The following BPIFB4 variants were observed in gnomAD, a reference collection of about 807,000 sequenced individuals.
BPIFB4 encodes BPI fold containing family B member 4, also known as BPI fold-containing family B member 4.
In BPIFB4, 62 loss-of-function variants were observed where a neutral mutation model predicts 69.2. The ratio of observed to expected loss-of-function variants is 0.90; its 90% CI spans 0.73 to 1.11. The LOEUF is 1.11. BPIFB4 is among the 50% of genes least tolerant of loss of function. The pLI, the probability that BPIFB4 is intolerant of heterozygous loss-of-function variation, is 0.00. For missense variants in BPIFB4, 789 were observed against 792.0 expected, an observed-to-expected ratio of 1.00 and a Z score of 0.04; for synonymous variants, 330 against 332.7, an observed-to-expected ratio of 0.99 and a Z score of 0.09.
At chr20:33,109,177 C>T (rs1982163125) in intron 17 of BPIFB4, among the ~76,000 whole-genome samples, 1 of 152,134 alleles carries the variant, frequency 6.6e-6, no homozygotes, top group Admixed American at 6.5e-5. Context: ...TAATGGCCAC[C>T]TCATACAGTT....
intron 17 of BPIFB4, among the ~76,000 whole-genome samples, chr20:33,109,855 C>T (rs949952347): frequency 1.3e-5 from 2 of 152,024 alleles, no homozygotes; most frequent in Non-Finnish European, 2.9e-5. Context: ...AACCTCAGTC[C>T]CAGGCTTGAC....
chr20:33,098,211 A>G (rs1273173091), intron 13 of BPIFB4, among the ~76,000 whole-genome samples: 1 of 152,174 alleles, frequency 6.6e-6, no homozygotes, highest in Non-Finnish European at 1.5e-5. Context: ...AAAGGCTGCC[A>G]AAGTGTTAGC....
rs1366910953 is a variant in BPIFB4, at chr20:33,111,483, A to G, written c.*46A>G. 6.2e-7 allele frequency: 1 copy of G among 1,611,968 alleles called. No homozygotes were observed. The highest frequency in any genetic ancestry group is 8.5e-7 in the Non-Finnish European group (1 of 1,178,236). On this transcript the variant is annotated 3_prime_UTR_variant, in exon 18 of 18. Coordinates refer to ENST00000375483, the MANE Select transcript of BPIFB4 (RefSeq NM_182519.3). ...GCTGCAACTGGAAGAAGCTGGAACC[A>G]GTCCCAGAGAGGCTCGGCCTGGAAA...
chr20:33,081,374 T>C (rs1358776060), intron 2 of BPIFB4, 138 bp from the exon 3 acceptor site: 6 of 1,413,432 alleles, frequency 4.2e-6, no homozygotes, highest in Non-Finnish European at 4.6e-6. Flanking sequence ...CCTGCCTTAG[T>C]ATGTGACCTT....
At chr20:33,094,008 G>A (rs765974580) in intron 11 of BPIFB4, among the ~76,000 whole-genome samples, 3 of 152,034 alleles carry the variant, frequency 2.0e-5, no homozygotes, top group East Asian at 1.9e-4. Context: ...TTGAGCTTTC[G>A]CAGACATCAT....
Position 33,097,649 on chromosome 20 carries a change from T to C in BPIFB4, c.1431T>C (p.Leu477=). The C allele has an allele frequency of 6.2e-7, 1 of 1,614,116 alleles. No individual in the cohort carries two copies. The highest frequency in any genetic ancestry group is 8.5e-7 in the Non-Finnish European group (1 of 1,179,948). Reference sequence around the variant, plus strand: ...AGCAGTACCCCGAGTCCTGCCCACTTATCATCAGGATCCAGGTGCTGAACC... The same window carrying C: ...AGCAGTACCCCGAGTCCTGCCCACTCATCATCAGGATCCAGGTGCTGAACC... ...VFQQYPESCP[L]IIRIQVLNPP... The change falls in exon 13 of 18, where the codon CTT becomes CTC. Residue 477 remains leucine, a synonymous_variant. Transcript: ENST00000375483.
At chr20:33,087,885 A>G (rs1981481481) in intron 7 of BPIFB4, among the ~76,000 whole-genome samples, 2 of 152,200 alleles carry the variant, frequency 1.3e-5, no homozygotes, top group South Asian at 4.2e-4. Flanking sequence ...GCTTTGGGAG[A>G]AATGTTCTAA....
intron 11 of BPIFB4, among the ~76,000 whole-genome samples, chr20:33,094,439 C>T (rs1981698805): frequency 6.6e-6 from 1 of 152,020 alleles, no homozygotes; most frequent in East Asian, 1.9e-4. Context: ...CTGAGTTATG[C>T]AAATGGACTT....
intron 4 of BPIFB4, 70 bp from the exon 5 acceptor site, chr20:33,083,297 A>G (rs1364573352): frequency 6.7e-7 from 1 of 1,502,578 alleles, no homozygotes; most frequent in East Asian, 2.3e-5. Context: ...GCTGGGTGGC[A>G]GTGGTGGTGG....
At chr20:33,085,024 C>A (rs762901560) in intron 6 of BPIFB4, 28 bp downstream of exon 6, 1 of 1,602,476 alleles carries the variant, frequency 6.2e-7, no homozygotes, top group East Asian at 2.3e-5. Flanking sequence ...TGGAGGGGTC[C>A]CCACCACCCT....
At chr20:33,087,750 A>ACG (rs1981475219) in intron 7 of BPIFB4, among the ~76,000 whole-genome samples, 1 of 148,638 alleles carries the variant, frequency 6.7e-6, no homozygotes. Flanking sequence ...ACACACACAC[A>ACG]CACAAGCATG....
rs148718380 is a variant in BPIFB4, at chr20:33,082,978, G to A, written c.147G>A (p.Ser49=). 1.4e-4 allele frequency: 229 copies of A among 1,613,070 alleles called. No individual in the cohort carries two copies. The highest frequency in any genetic ancestry group is 1.4e-3 in the African/African-American group (105 of 74,672). ...TGCAGCAAAGTGATGCTCTCCACTC[G>A]GCCCTGAGAGAGGTGCCCTTGGGTA... ...GMLQQSDALH[S]ALREVPLGVG... is the part of the protein sequence containing the mutation. The change falls in exon 4 of 18, where the codon TCG becomes TCA. Residue 49 remains serine, a synonymous_variant. Coordinates refer to ENST00000375483, the MANE Select transcript of BPIFB4 (RefSeq NM_182519.3).
At chr20:33,110,983 T>C (rs1173376852) in intron 17 of BPIFB4, among the ~76,000 whole-genome samples, 3 of 151,798 alleles carry the variant, frequency 2.0e-5, no homozygotes, top group Non-Finnish European at 4.4e-5. Context: ...GCCCAGATAA[T>C]TTTTGTATTT....
intron 15 of BPIFB4, among the ~76,000 whole-genome samples, chr20:33,103,629 C>G (rs897194588): frequency 1.3e-5 from 2 of 152,044 alleles, no homozygotes; most frequent in African/African-American, 4.8e-5. Flanking sequence ...TCCCCACCCC[C>G]CCACCTCCGC....
At chr20:33,111,281 A>G in intron 17 of BPIFB4, 133 bp from the exon 18 acceptor site, 1 of 1,154,894 alleles carries the variant, frequency 8.7e-7, no homozygotes, top group Non-Finnish European at 1.3e-6. Flanking sequence ...GGCCTGCATG[A>G]CCCCTTTATC....
At chr20:33,082,407 T>C (rs1972200) in intron 3 of BPIFB4, among the ~76,000 whole-genome samples, 116,855 of 152,062 alleles carry the variant, frequency 0.77, 45,290 homozygotes, top group East Asian at 0.98. Context: ...GATCTCGGCT[T>C]ACTGCAACCT....
Position 33,095,142 on chromosome 20 carries a change from C to G in BPIFB4, c.1387C>G (p.Leu463Val). The stretch of plus-strand genomic sequence containing the variant: ...ACTTACCACAGCCACACTGGGAGCC[C>G]TGATCCCCAAGGTATGTAAGGTGGG... The part of the protein sequence containing the change: ...PPLTTATLGA[L>V]IPKVFQQYPE... The change falls in exon 12 of 18, where the codon CTG (leucine) becomes GTG (valine). Residue 463 changes from leucine (L) to valine (V), a missense_variant. Physicochemically the swap from Leu to Val is conservative, Grantham distance 32. Around this residue, in one of 3 missense-constraint regions of BPIFB4, gnomAD observed 170 missense variants for 193.6 expected, o/e 0.88. Transcript: ENST00000375483. 6.2e-7 allele frequency: 1 copy of G among 1,611,664 alleles called. No homozygotes were observed.
intron 11 of BPIFB4, among the ~76,000 whole-genome samples, chr20:33,093,246 C>G (rs62210222): frequency 0.22 from 33,617 of 151,796 alleles, 4,039 homozygotes; most frequent in Non-Finnish European, 0.28. Flanking sequence ...CATCAACCCA[C>G]CTATCCACCC....
intron 16 of BPIFB4, among the ~76,000 whole-genome samples, chr20:33,106,376 C>CTTTTTTTTTTT (rs71190890): frequency 6.0e-5 from 8 of 133,054 alleles, no homozygotes; most frequent in East Asian, 2.1e-4. Flanking sequence ...TCTTTTCTTT[C>CTTTTTTTTTTT]TTTTTTTTTT....
Sources: allele counts gnomAD v4.1 joint callset (sites outside exome capture counted in the v4.1 genomes callset), GRCh38; gene constraint gnomAD v4.1.1; regional missense constraint gnomAD v4.1.1; transcripts MANE v1.5; gene names NCBI Gene and HGNC (gene_info 2026-07-23, HGNC 2026-07-21).